Variants in CNGA2 observed in about 807,000 individuals in gnomAD.
CNGA2 encodes the protein cyclic nucleotide-gated channel alpha-2.
A neutral mutation model predicts 35.9 loss-of-function variants in CNGA2; 22 were observed. The ratio of observed to expected loss-of-function variants is 0.61; its 90% CI spans 0.44 to 0.88. CNGA2 has a LOEUF of 0.88. Ranked by LOEUF, CNGA2 falls within the 40% of genes least tolerant of loss-of-function variation. The probability of loss-of-function intolerance (pLI) is 0.00; values close to 1 mark genes in which losing one functional copy is unlikely to be tolerated. For synonymous variants in CNGA2, 217 were observed against 209.2 expected (o/e 1.04, Z -0.32); for missense variants, 555 against 530.8 (o/e 1.05, Z -0.45).
chrX:151,737,620 C>T (rs1351192895), intron 1 of CNGA2, among the ~76,000 whole-genome samples: 1 of 111,745 alleles, frequency 8.9e-6, no homozygotes, highest in Non-Finnish European at 1.9e-5. Context: ...TGTTCTCCCT[C>T]TAATGCAGGC....
At chrX:151,742,442 T>A (rs191695348) in intron 5 of CNGA2, 94 bp from the exon 6 acceptor site, 2 of 598,772 alleles carry the variant, frequency 3.3e-6, no homozygotes, top group East Asian at 3.4e-5. Context: ...CTGGTAGCCA[T>A]CCCAAGCCCT....
At chrX:151,736,940 T>C (rs937360562) in intron 1 of CNGA2, among the ~76,000 whole-genome samples, 2 of 111,886 alleles carry the variant, frequency 1.8e-5, no homozygotes, top group African/African-American at 6.5e-5. Context: ...CTGAAACTTT[T>C]TGTCTCCATG....
In CNGA2 at chrX:151,739,638, T is replaced by C. The variant is rs776589519; in HGVS notation, c.280T>C (p.Phe94Leu). The change falls in exon 4 of 7, where the codon TTC becomes CTC. Residue 94 changes from phenylalanine (F) to leucine (L), a missense_variant. Coordinates refer to ENST00000329903, the MANE Select transcript of CNGA2 (RefSeq NM_005140.3). ...AGAGGAGGAACCTAGGCCTGACTCATTCCTCGAGCGTTTTCGTGGGCCTGA... is the reference window on the plus strand; with the variant it reads ...AGAGGAGGAACCTAGGCCTGACTCACTCCTCGAGCGTTTTCGTGGGCCTGA... ...FREEEPRPDS[F>L]LERFRGPELQ... 5.8e-6 allele frequency: 7 copies of C among 1,209,749 alleles called. No homozygotes were observed. The African/African-American group carries it at 1.2e-4, about 21-fold the overall frequency.
At position 151,734,805 on chromosome X, in the gene CNGA2, A is replaced by G. The variant is rs1333364258; in HGVS notation, c.-165A>G. Reference sequence around the variant, plus strand: ...ATAAACTGTTAGATGCTGCTCAGAAACACAATAGAACATGGACAGAGAAGT... The same window carrying G: ...ATAAACTGTTAGATGCTGCTCAGAAGCACAATAGAACATGGACAGAGAAGT... On this transcript the variant is annotated 5_prime_UTR_variant, in exon 1 of 7. Coordinates refer to ENST00000329903, the MANE Select transcript of CNGA2 (RefSeq NM_005140.3). 9.0e-6 allele frequency among the ~76,000 whole-genome samples: 1 copy of G among 111,670 alleles called. No individual in the cohort carries two copies. Among genetic ancestry groups the G allele is most frequent in the Non-Finnish European group, 1.9e-5 (1 of 53,156 alleles).
At chrX:151,740,302 A>G (rs1453209238) in intron 4 of CNGA2, among the ~76,000 whole-genome samples, 1 of 112,618 alleles carries the variant, frequency 8.9e-6, no homozygotes, top group African/African-American at 3.2e-5. Context: ...TCAAAGCAGG[A>G]CACAACATCT....
At chrX:151,736,573 G>A (rs2015249446) in intron 1 of CNGA2, among the ~76,000 whole-genome samples, 1 of 111,243 alleles carries the variant, frequency 9.0e-6, no homozygotes, top group African/African-American at 3.3e-5. Context: ...GGTAGCTGGA[G>A]CCTTGGGACT....
chrX:151,743,023 TATATGCAC>T (rs1199408289), intron 6 of CNGA2, 62 bp from the exon 7 acceptor site: 1 of 7,624 alleles, frequency 1.3e-4, no homozygotes, highest in African/African-American at 3.2e-4. Flanking sequence ...TATATGTATA[TATATGCAC>T]ATATATATGT....
intron 5 of CNGA2, among the ~76,000 whole-genome samples, chrX:151,741,577 C>T (rs764702938): frequency 1.2e-4 from 14 of 112,005 alleles, no homozygotes; most frequent in African/African-American, 4.5e-4. Context: ...AGGCTAGTGG[C>T]GGACAGTGAC....
rs1569428488 is a variant in CNGA2 at position 151,743,249 on chromosome X, G to A, written c.746G>A (p.Arg249His). The A allele has an allele frequency of 1.2e-5, 15 of 1,207,530 alleles. No homozygotes were observed. The highest frequency in any genetic ancestry group is 1.7e-5 in the Non-Finnish European group (15 of 894,667). The change falls in exon 7 of 7, where the codon CGC (arginine) becomes CAC (histidine). Residue 249 changes from arginine to histidine, a missense_variant. Transcript: ENST00000329903. The part of the protein sequence containing the change: ...DIHSPEVRFN[R>H]LLHFARMFEF... ...CACAGCCCTGAGGTGCGCTTCAACC[G>A]CCTGCTGCACTTTGCCCGCATGTTT...
In CNGA2 at chrX:151,742,629, C is replaced by T. The variant is rs1274740730; in HGVS notation, c.576C>T (p.Ile192=). Residue 192 remains isoleucine (I), a synonymous_variant, in exon 6 of 7, where the codon ATC becomes ATT. Coordinates refer to ENST00000329903, the MANE Select transcript of CNGA2 (RefSeq NM_005140.3). ...SDVVYIADLF[I]RLRTGFLEQG... Reference sequence around the variant, plus strand: ...TGGTCTACATTGCGGACCTCTTCATCCGATTGCGCACAGGTCAGTGAGCAA... The same window carrying T: ...TGGTCTACATTGCGGACCTCTTCATTCGATTGCGCACAGGTCAGTGAGCAA... The T allele has an allele frequency of 8.3e-7, 1 of 1,204,431 alleles. No individual in the cohort carries two copies. The highest frequency in any genetic ancestry group is 1.1e-6 in the Non-Finnish European group (1 of 890,669).
chrX:151,740,797 G>T lies in CNGA2; in HGVS notation c.378G>T (p.Lys126Asn), dbSNP rs1392643398. The T allele has an allele frequency of 1.7e-6, 2 of 1,205,859 alleles. No homozygotes were observed. The highest frequency in any genetic ancestry group is 3.5e-5 in the South Asian group (2 of 56,832). ...TTGCCTTTGTCTGTCTTCTCAGGAA[G>T]AAATTTGAACTATTTGTCTTGGACC... is the stretch of plus-strand genomic sequence containing the variant. ...DKDGEDKGTK[K>N]KFELFVLDPA... Residue 126 changes from lysine (K) to asparagine (N), a missense_variant, in exon 5 of 7, where the codon AAG becomes AAT. Lys to Asn is a moderately conservative substitution (Grantham distance 94). Coordinates refer to ENST00000329903, the MANE Select transcript of CNGA2 (RefSeq NM_005140.3).
In CNGA2 at chrX:151,743,550, G is replaced by A. The variant is rs2015339576; in HGVS notation, c.1047G>A (p.Glu349=). ...GETPPPVKDE[E]YLFVIFDFLI... ...CACCACCCCCTGTAAAGGATGAGGA[G>A]TACCTATTTGTCATCTTTGACTTCC... Residue 349 remains glutamate, a synonymous_variant, in exon 7 of 7, where the codon GAG becomes GAA. Transcript: ENST00000329903. The A allele has an allele frequency of 3.3e-6, 4 of 1,211,129 alleles. No individual in the cohort carries two copies. The South Asian group carries it at 5.3e-5, about 16-fold the overall frequency.
intron 4 of CNGA2, 90 bp downstream of exon 4, chrX:151,739,822 T>C: frequency 1.0e-6 from 1 of 977,841 alleles, no homozygotes; most frequent in Non-Finnish European, 1.4e-6. Flanking sequence ...CTAGGGGCTA[T>C]GACAAGCCCT....
rs1249840545 is a variant in CNGA2, at chrX:151,743,661, G to T, written c.1158G>T (p.Gln386His). 2.5e-6 allele frequency: 3 copies of T among 1,211,659 alleles called. No homozygotes were observed. The highest frequency in any genetic ancestry group is 3.5e-5 in the South Asian group (2 of 56,946). ...SNMNATRAEF[Q>H]AKIDAVKHYM... ...TGAATGCCACCCGGGCAGAGTTCCAGGCTAAGATCGATGCCGTGAAACACT... is the reference window on the plus strand; with the variant it reads ...TGAATGCCACCCGGGCAGAGTTCCATGCTAAGATCGATGCCGTGAAACACT... The change falls in exon 7 of 7, where the codon CAG becomes CAT. Residue 386 changes from glutamine to histidine, a missense_variant. Transcript: ENST00000329903.
chrX:151,743,890 C>T lies in CNGA2; in HGVS notation c.1387C>T (p.Leu463=). ...CTTCCATGATTGTGAGGCTGGCCTGCTGGTAGAGCTGGTACTGAAACTCCG... is the reference window on the plus strand; with the variant it reads ...CTTCCATGATTGTGAGGCTGGCCTGTTGGTAGAGCTGGTACTGAAACTCCG... ...RIFHDCEAGL[L]VELVLKLRPQ... is the part of the protein sequence containing the mutation. Residue 463 remains leucine, a synonymous_variant, in exon 7 of 7, where the codon CTG becomes TTG. Transcript: ENST00000329903. 3 of 1,211,068 alleles carry T rather than the reference C, an allele frequency of 2.5e-6. No homozygotes were observed. The highest frequency in any genetic ancestry group is 3.4e-6 in the Non-Finnish European group (3 of 895,350).
In CNGA2 at chrX:151,739,736, C is replaced by T; in HGVS notation, c.374+4C>T. On this transcript the variant is annotated splice_donor_region_variant and intron_variant, in intron 4 of 6. Coordinates refer to ENST00000329903, the MANE Select transcript of CNGA2 (RefSeq NM_005140.3). ...ATGGCGAGGACAAAGGCACCAAGTA[C>T]AGCTGTTCAGCCTATGGGACTCAAA... 8.3e-7 allele frequency: 1 copy of T among 1,209,963 alleles called. No homozygotes were observed. The highest frequency in any genetic ancestry group is 1.1e-6 in the Non-Finnish European group (1 of 894,479).
intron 1 of CNGA2, 59 bp from the exon 2 acceptor site, chrX:151,738,399 C>T: frequency 1.2e-6 from 1 of 805,814 alleles, no homozygotes; most frequent in African/African-American, 2.0e-5. Flanking sequence ...TGCCACTCTC[C>T]CACTCTCTGT....
Position 151,744,090 on chromosome X carries a change from C to G in CNGA2, c.1587C>G (p.Gly529=). 2 of 1,211,057 alleles carry G rather than the reference C, an allele frequency of 1.7e-6. No homozygotes were observed. The highest frequency in any genetic ancestry group is 5.9e-5 in the East Asian group (2 of 33,792). The change falls in exon 7 of 7, where the codon GGC becomes GGG. Residue 529 remains glycine (G), a synonymous_variant. Transcript: ENST00000329903. ...AGATCAGTATCCTTAACATTAAGGG[C>G]AGTAAAATGGGCAATCGACGCACAG... ...FGEISILNIK[G]SKMGNRRTAN...
intron 4 of CNGA2, 98 bp from the exon 5 acceptor site, chrX:151,740,696 T>G (rs1045616124): frequency 1.5e-6 from 1 of 658,387 alleles, no homozygotes; most frequent in Non-Finnish European, 2.5e-6. Context: ...CCTTCGGCAG[T>G]GCTTTTGCTT....
Sources: gnomAD v4.1 joint callset for allele counts (sites outside exome capture counted in the v4.1 genomes callset) on GRCh38, gnomAD v4.1.1 for gene constraint, MANE v1.5 for transcripts, NCBI Gene and HGNC (gene_info 2026-07-23, HGNC 2026-07-21) for gene names.